Variants in CEP290 observed in about 807,000 individuals in gnomAD.
CEP290 encodes the protein centrosomal protein 290, also known as centrosomal protein of 290 kDa.
In CEP290, 317 loss-of-function variants were observed where a neutral mutation model predicts 344.9. The observed-to-expected ratio is 0.92, with a 90% confidence interval of 0.84 to 1.01. The LOEUF (loss-of-function observed/expected upper bound fraction) is 1.01, where lower values mean the gene tolerates loss of function less well. CEP290 is among the 50% of genes least tolerant of loss of function. The pLI, the probability that CEP290 is intolerant of heterozygous loss-of-function variation, is 0.00. For missense variants in CEP290, 2,754 were observed against 2,761.4 expected (o/e 1.00, Z 0.06); for synonymous variants, 932 against 895.8 (o/e 1.04, Z -0.72).
chr12:88,051,344 A>G (rs936457957), intron 52 of CEP290, among the ~76,000 whole-genome samples: 4 of 151,906 alleles, frequency 2.6e-5, no homozygotes, highest in African/African-American at 9.7e-5. Context: ...GATAACAGGC[A>G]AGTGCCACCA....
intron 52 of CEP290, among the ~76,000 whole-genome samples, chr12:88,051,450 C>T (rs1392266825): frequency 6.6e-6 from 1 of 152,130 alleles, no homozygotes; most frequent in Non-Finnish European, 1.5e-5. Context: ...CCACCCACTT[C>T]AGCCTCCCAA....
rs764495570 is a variant in CEP290 at position 88,128,984 on chromosome 12, T to C, written c.904A>G (p.Ile302Val). ...LKSKNEEDDP[I>V]MVAVNAKVEE... Reference sequence around the variant, plus strand: ...ACTTTTGCATTGACAGCTACCATAATTGGATCATCTTCTTCATTTTTTGAT... The same window carrying C: ...ACTTTTGCATTGACAGCTACCATAACTGGATCATCTTCTTCATTTTTTGAT... The change falls in exon 11 of 54, where the codon ATT (isoleucine) becomes GTT (valine). Residue 302 changes from isoleucine (I) to valine (V), a missense_variant. By Grantham distance (29) the Ile-to-Val change is conservative. Transcript: ENST00000552810. The C allele has an allele frequency of 1.4e-5, 22 of 1,541,296 alleles. No individual in the cohort carries two copies. In the African/African-American group the frequency reaches 2.8e-4, roughly 20 times the overall value.
intron 46 of CEP290, among the ~76,000 whole-genome samples, chr12:88,061,789 T>G (rs1245003814): frequency 6.6e-6 from 1 of 151,940 alleles, no homozygotes; most frequent in Non-Finnish European, 1.5e-5. Flanking sequence ...TTTTTTTTTT[T>G]GTTTTAAAAG....
At chr12:88,139,901 A>T (rs2040549252) in intron 3 of CEP290, among the ~76,000 whole-genome samples, 2 of 151,888 alleles carry the variant, frequency 1.3e-5, no homozygotes, top group Admixed American at 6.6e-5. Context: ...GCGTGCCATC[A>T]TGCTTGGTGT....
chr12:88,135,114 C>T (rs570037466), intron 6 of CEP290, among the ~76,000 whole-genome samples: 4 of 152,098 alleles, frequency 2.6e-5, no homozygotes, highest in Non-Finnish European at 4.4e-5. Flanking sequence ...AACATAGTTG[C>T]CCACTATATC....
chr12:88,072,011 A>T, intron 41 of CEP290, 85 bp from the exon 42 acceptor site: 5 of 1,232,570 alleles, frequency 4.1e-6, no homozygotes, highest in Non-Finnish European at 5.4e-6. Context: ...TTTGCCTAGA[A>T]AAATTGTAAA....
chr12:88,053,451 C>T (rs887596578), intron 52 of CEP290, among the ~76,000 whole-genome samples: 1 of 151,832 alleles, frequency 6.6e-6, no homozygotes, highest in Non-Finnish European at 1.5e-5. Flanking sequence ...GTACTTGCTA[C>T]TCTATAGTAT....
At chr12:88,049,497 T>C (rs1328501275) in intron 53 of CEP290, 83 bp from the exon 54 acceptor site, 8 of 757,812 alleles carry the variant, frequency 1.1e-5, no homozygotes, top group Admixed American at 5.8e-5. Context: ...ATTGTAAATA[T>C]GAAAGCCAAA....
rs115764060 is a variant in CEP290 at position 88,131,303 on chromosome 12, G to A, written c.442-85C>T. 22,877 of 1,017,384 alleles carry A rather than the reference G, an allele frequency of 0.022. 433 individuals are homozygous for A. The highest frequency in any genetic ancestry group is 0.085 in the African/African-American group (4,813 of 56,854). The allele number at this position is 1,017,384 out of a possible 1,614,324, so 63.0% of individuals were successfully genotyped here. A position where few individuals can be genotyped will look rare whatever the true frequency, so the allele number is the denominator to read the frequency against. ...TTTTTTTTGAGACAAAGTCTTTGTC[G>A]CCTAGGCTGGAGTACAGTGGTGCGA... On this transcript the variant is annotated intron_variant, in intron 6 of 53. Transcript: ENST00000552810.
chr12:88,059,117 A>C, intron 48 of CEP290, 97 bp from the exon 49 acceptor site: 1 of 1,005,120 alleles, frequency 9.9e-7, no homozygotes, highest in Non-Finnish European at 1.4e-6. Context: ...TGGAAAACAA[A>C]AATAACCTGG....
intron 37 of CEP290, among the ~76,000 whole-genome samples, chr12:88,082,622 AG>A (rs201291318): frequency 0.025 from 3,830 of 152,280 alleles, 78 homozygotes; most frequent in Non-Finnish European, 0.039. Context: ...TGAGCCTGGA[AG>A]GTCAAGGTTG....
intron 22 of CEP290, among the ~76,000 whole-genome samples, chr12:88,110,026 T>A (rs1351788009): frequency 6.6e-6 from 1 of 151,966 alleles, no homozygotes; most frequent in Non-Finnish European, 1.5e-5. Context: ...CATAAAATAA[T>A]AATAAAAATC....
chr12:88,102,146 C>A (rs947227520), intron 26 of CEP290, among the ~76,000 whole-genome samples: 19 of 152,168 alleles, frequency 1.2e-4, no homozygotes, highest in African/African-American at 4.6e-4. Context: ...GGAGCTTGTT[C>A]TGTCCTCAGT....
chr12:88,087,737 A>C (rs1177202798), intron 32 of CEP290, 43 bp downstream of exon 32: 2 of 816,122 alleles, frequency 2.5e-6, no homozygotes, highest in East Asian at 7.5e-5. Context: ...AAAAAAAAAA[A>C]AAAAAACTTA....
At chr12:88,086,289 A>G in intron 33 of CEP290, 102 bp downstream of exon 33, 2 of 1,424,516 alleles carry the variant, frequency 1.4e-6, no homozygotes, top group Non-Finnish European at 1.9e-6. Context: ...TTAAATATAC[A>G]ATATAACATC....
chr12:88,111,942 G>A (rs1421825085), intron 20 of CEP290, 84 bp from the exon 21 acceptor site: 1 of 962,952 alleles, frequency 1.0e-6, no homozygotes, highest in African/African-American at 1.7e-5. Context: ...AAATAAAATG[G>A]ACATTTAAGC....
intron 50 of CEP290, 46 bp from the exon 51 acceptor site, chr12:88,054,459 TATG>T (rs771239261): frequency 1.8e-5 from 25 of 1,361,028 alleles, no homozygotes; most frequent in Non-Finnish European, 2.4e-5. Flanking sequence ...GCCATGGAAA[TATG>T]AGGATTTATA....
At chr12:88,052,670 T>C (rs771108220) in intron 52 of CEP290, among the ~76,000 whole-genome samples, 3 of 152,122 alleles carry the variant, frequency 2.0e-5, no homozygotes, top group Non-Finnish European at 4.4e-5. Context: ...CACGCATATA[T>C]ATACATACAC....
At chr12:88,141,657 G>A (rs929839085) in intron 1 of CEP290, among the ~76,000 whole-genome samples, 3 of 152,156 alleles carry the variant, frequency 2.0e-5, no homozygotes, top group African/African-American at 7.2e-5. Context: ...GCAAGCGCGA[G>A]GGTCTGTGGA....
Sources: gnomAD v4.1 joint callset for allele counts (sites outside exome capture counted in the v4.1 genomes callset) on GRCh38, gnomAD v4.1.1 for gene constraint, MANE v1.5 for transcripts, NCBI Gene and HGNC (gene_info 2026-07-23, HGNC 2026-07-21) for gene names.